CHSY3: variants seen among roughly 807,000 people sequenced by gnomAD.
CHSY3 encodes the protein chondroitin sulfate synthase 3.
CHSY3 carries 35 observed loss-of-function variants against 67.2 expected under a neutral mutation model. That is an observed-to-expected ratio of 0.52 (90% CI 0.40 to 0.69). CHSY3 has a LOEUF of 0.69. CHSY3 is among the 30% of genes least tolerant of loss of function. The pLI, the probability that CHSY3 is intolerant of heterozygous loss-of-function variation, is 0.00. For missense variants in CHSY3, 1,069 were observed against 1,138.5 expected (o/e 0.94, Z 0.88); for synonymous variants, 474 against 434.7 (o/e 1.09, Z -1.12).
intron 2 of CHSY3, among the ~76,000 whole-genome samples, chr5:129,983,394 A>G (rs949632147): frequency 3.3e-5 from 5 of 152,064 alleles, no homozygotes; most frequent in African/African-American, 9.7e-5. Flanking sequence ...ATATTTGTCA[A>G]CATTCCTTAT....
At chr5:129,975,480 T>C (rs1052330343) in intron 2 of CHSY3, among the ~76,000 whole-genome samples, 1 of 152,142 alleles carries the variant, frequency 6.6e-6, no homozygotes, top group African/African-American at 2.4e-5. Flanking sequence ...TACAATATTT[T>C]AATACAATAA....
At chr5:130,120,518 A>G (rs1767979466) in intron 2 of CHSY3, among the ~76,000 whole-genome samples, 1 of 150,798 alleles carries the variant, frequency 6.6e-6, no homozygotes, top group Admixed American at 6.6e-5. Flanking sequence ...AGACAAAATT[A>G]TAAGGTCTGT....
At chr5:130,055,279 TAA>T (rs200891155) in intron 2 of CHSY3, among the ~76,000 whole-genome samples, 2,374 of 140,018 alleles carry the variant, frequency 0.017, 75 homozygotes, top group African/African-American at 0.059. Flanking sequence ...TTGCCCCTTG[TAA>T]AAAAAAAAAA....
intron 2 of CHSY3, among the ~76,000 whole-genome samples, chr5:130,135,515 G>A (rs986312423): frequency 6.6e-6 from 1 of 152,030 alleles, no homozygotes; most frequent in African/African-American, 2.4e-5. Flanking sequence ...ATTTTCATTT[G>A]TTTAATTTAA....
In CHSY3 at chr5:130,051,843, G is replaced by A. The variant is rs889135801; in HGVS notation, c.1087-132386G>A. Among the ~76,000 whole-genome samples, 47 of 151,574 alleles carry A rather than the reference G, an allele frequency of 3.1e-4. 2 individuals carry two copies. The highest frequency in any genetic ancestry group is 4.4e-5 in the Non-Finnish European group (3 of 67,970). The stretch of plus-strand genomic sequence containing the variant: ...AGACGTTAGAATTTGAGTTGCCAGA[G>A]AAGGTGACAGGCATTTAAATTAGAT... On this transcript the variant is annotated intron_variant, in intron 2 of 2. Coordinates refer to ENST00000305031, the MANE Select transcript of CHSY3 (RefSeq NM_175856.5).
chr5:130,043,517 G>T (rs570205138), intron 2 of CHSY3, among the ~76,000 whole-genome samples: 16 of 152,240 alleles, frequency 1.1e-4, no homozygotes, highest in African/African-American at 3.1e-4. Flanking sequence ...GTCCACGTGG[G>T]TCTGTTTGCA....
At position 130,184,640 on chromosome 5, in the gene CHSY3, C is replaced by T. The variant is rs1561575057; in HGVS notation, c.1498C>T (p.Leu500=). ...ILRTALDDTV[L]QVMEMINENA... ...AAGAACAGCACTGGATGATACCGTC[C>T]TACAGGTGATGGAGATGATCAATGA... is the stretch of plus-strand genomic sequence containing the variant. Residue 500 remains leucine, a synonymous_variant, in exon 3 of 3, where the codon CTA becomes TTA. Transcript: ENST00000305031. 1.2e-6 allele frequency: 2 copies of T among 1,605,274 alleles called. No individual in the cohort carries two copies. Among genetic ancestry groups the T allele is most frequent in the Non-Finnish European group, 1.7e-6 (2 of 1,171,926 alleles).
At chr5:129,988,203 G>A (rs187871061) in intron 2 of CHSY3, among the ~76,000 whole-genome samples, 19 of 152,284 alleles carry the variant, frequency 1.2e-4, no homozygotes, top group African/African-American at 4.6e-4. Context: ...ATTTGGATGA[G>A]TAATGGCACC....
chr5:130,131,033 A>G (rs1424213152), intron 2 of CHSY3, among the ~76,000 whole-genome samples: 4 of 152,144 alleles, frequency 2.6e-5, no homozygotes, highest in Non-Finnish European at 4.4e-5. Flanking sequence ...TTCCTAAGGA[A>G]TATCATTTAC....
chr5:129,937,131 A>G (rs1371782072), intron 2 of CHSY3, among the ~76,000 whole-genome samples: 1 of 152,210 alleles, frequency 6.6e-6, no homozygotes, highest in African/African-American at 2.4e-5. Context: ...TGCTGTAAAG[A>G]CATACCTGAA....
At chr5:130,032,969 G>C (rs560235690) in intron 2 of CHSY3, among the ~76,000 whole-genome samples, 3 of 152,132 alleles carry the variant, frequency 2.0e-5, no homozygotes, top group Non-Finnish European at 2.9e-5. Context: ...TGGCCAGTCC[G>C]TCATACCAGT....
At chr5:130,128,148 T>C (rs1338775598) in intron 2 of CHSY3, among the ~76,000 whole-genome samples, 1 of 152,036 alleles carries the variant, frequency 6.6e-6, no homozygotes, top group South Asian at 2.1e-4. Context: ...AAAACAAATA[T>C]ATCTCCTTCA....
chr5:130,022,230 A>G (rs1034770629), intron 2 of CHSY3, among the ~76,000 whole-genome samples: 3 of 152,086 alleles, frequency 2.0e-5, no homozygotes, highest in African/African-American at 7.2e-5. Context: ...AGGGTTTACC[A>G]TGGCAATTAT....
At chr5:130,139,277 A>G (rs1044549250) in intron 2 of CHSY3, among the ~76,000 whole-genome samples, 7 of 152,210 alleles carry the variant, frequency 4.6e-5, no homozygotes, top group Non-Finnish European at 8.8e-5. Flanking sequence ...GATTGGCCCA[A>G]GGAGGTCCGT....
At chr5:129,945,717 C>T (rs752572274) in intron 2 of CHSY3, among the ~76,000 whole-genome samples, 28 of 152,004 alleles carry the variant, frequency 1.8e-4, no homozygotes, top group Non-Finnish European at 3.7e-4. Flanking sequence ...TTTTTATTCC[C>T]CACAGTATTT....
chr5:130,130,799 A>G (rs1768457967), intron 2 of CHSY3, among the ~76,000 whole-genome samples: 1 of 152,100 alleles, frequency 6.6e-6, no homozygotes, highest in South Asian at 2.1e-4. Flanking sequence ...TCTTCTTTTA[A>G]TAAGTACTTC....
At chr5:130,134,507 A>G (rs922360502) in intron 2 of CHSY3, among the ~76,000 whole-genome samples, 16 of 152,150 alleles carry the variant, frequency 1.1e-4, no homozygotes, top group Non-Finnish European at 1.8e-4. Flanking sequence ...AGCATTCCAT[A>G]TGCATATGTT....
intron 2 of CHSY3, among the ~76,000 whole-genome samples, chr5:130,018,324 C>G (rs1285603005): frequency 6.6e-6 from 1 of 152,090 alleles, no homozygotes; most frequent in Non-Finnish European, 1.5e-5. Flanking sequence ...TGCAGTGCCT[C>G]TTGCCCAGAT....
chr5:129,997,753 C>T (rs1297928204), intron 2 of CHSY3, among the ~76,000 whole-genome samples: 7 of 152,000 alleles, frequency 4.6e-5, no homozygotes, highest in Admixed American at 3.3e-4. Context: ...TGAGAACATG[C>T]GGTGTTTGAT....
Sources: gnomAD v4.1 joint callset for allele counts (sites outside exome capture counted in the v4.1 genomes callset) on GRCh38, gnomAD v4.1.1 for gene constraint, MANE v1.5 for transcripts, NCBI Gene and HGNC (gene_info 2026-07-23, HGNC 2026-07-21) for gene names.